CNTN5: variants seen among roughly 807,000 people sequenced by gnomAD.
The protein encoded by CNTN5 is contactin 5.
A neutral mutation model predicts 129.1 loss-of-function variants in CNTN5; 77 were observed. The ratio of observed to expected loss-of-function variants is 0.60; its 90% confidence interval spans 0.50 to 0.72. The LOEUF is 0.72. Among genes scored for constraint, CNTN5 ranks in the 30% least tolerant of loss-of-function variants. The pLI is 0.00. For synonymous variants in CNTN5, 509 were observed against 465.6 expected (o/e 1.09, Z -1.20); for missense variants, 1,478 against 1,328.8 (o/e 1.11, Z -1.75).
intron 8 of CNTN5, 23 bp downstream of exon 8, chr11:99,957,032 A>G (rs549484645): frequency 1.3e-6 from 2 of 1,598,332 alleles, no homozygotes; most frequent in Admixed American, 1.7e-5. Flanking sequence ...GCCCGTTAAA[A>G]TGGTCAGCCA....
intron 4 of CNTN5, among the ~76,000 whole-genome samples, chr11:99,840,867 A>G (rs1426241386): frequency 6.6e-6 from 1 of 152,208 alleles, no homozygotes; most frequent in Non-Finnish European, 1.5e-5. Flanking sequence ...GGATTTAAAC[A>G]GTGGATCATT....
intron 9 of CNTN5, among the ~76,000 whole-genome samples, chr11:100,028,026 G>T (rs1199230443): frequency 6.6e-6 from 1 of 152,012 alleles, no homozygotes; most frequent in Admixed American, 6.6e-5. Flanking sequence ...AAAGTTACCT[G>T]CATTTGGAAT....
At chr11:99,970,713 C>T (rs542962956) in intron 8 of CNTN5, among the ~76,000 whole-genome samples, 1 of 152,228 alleles carries the variant, frequency 6.6e-6, no homozygotes, top group East Asian at 1.9e-4. Flanking sequence ...AACTACTTTT[C>T]TAGATGATTG....
At chr11:99,248,269 A>G (rs1861920224) in intron 1 of CNTN5, among the ~76,000 whole-genome samples, 1 of 152,102 alleles carries the variant, frequency 6.6e-6, no homozygotes, top group Non-Finnish European at 1.5e-5. Flanking sequence ...TCTTTTGAGA[A>G]GTGTCTGTTC....
At chr11:99,129,569 C>A (rs546494331) in intron 1 of CNTN5, among the ~76,000 whole-genome samples, 5 of 152,196 alleles carry the variant, frequency 3.3e-5, no homozygotes, top group African/African-American at 1.2e-4. Context: ...ATTTATTTAA[C>A]CTAGCAAGAC....
intron 3 of CNTN5, among the ~76,000 whole-genome samples, chr11:99,711,758 T>G (rs1954999455): frequency 6.6e-6 from 1 of 152,046 alleles, no homozygotes; most frequent in South Asian, 2.1e-4. Flanking sequence ...TGTGTTAGTT[T>G]GCTGAGAATC....
intron 3 of CNTN5, among the ~76,000 whole-genome samples, chr11:99,671,449 TTG>T (rs1953039622): frequency 6.6e-6 from 1 of 152,128 alleles, no homozygotes; most frequent in South Asian, 2.1e-4. Context: ...GCTGGTGAAT[TTG>T]TGTGCATGTG....
chr11:100,250,120 A>G (rs897387134), intron 16 of CNTN5, among the ~76,000 whole-genome samples: 3 of 152,006 alleles, frequency 2.0e-5, no homozygotes. Flanking sequence ...TCTAATAAGG[A>G]TCATCCTTAT....
chr11:99,098,984 T>C (rs1252631834), intron 1 of CNTN5, among the ~76,000 whole-genome samples: 1 of 152,170 alleles, frequency 6.6e-6, no homozygotes, highest in Non-Finnish European at 1.5e-5. Flanking sequence ...ACTGCAACTC[T>C]AGTGATAAAG....
intron 2 of CNTN5, among the ~76,000 whole-genome samples, chr11:99,529,114 G>T (rs1323095463): frequency 6.6e-6 from 1 of 151,868 alleles, no homozygotes; most frequent in Non-Finnish European, 1.5e-5. Context: ...AAAAAGAAAG[G>T]TCTGTCCCAG....
At chr11:99,690,398 G>T (rs1677955498) in intron 3 of CNTN5, among the ~76,000 whole-genome samples, 1 of 151,952 alleles carries the variant, frequency 6.6e-6, no homozygotes, top group South Asian at 2.1e-4. Flanking sequence ...TGTTGTTCTT[G>T]TTTTGTTTCT....
At chr11:99,577,733 G>A (rs1211591529) in intron 3 of CNTN5, among the ~76,000 whole-genome samples, 2 of 152,006 alleles carry the variant, frequency 1.3e-5, no homozygotes, top group African/African-American at 4.8e-5. Context: ...AGTTTGGACA[G>A]TTCTTTAGTT....
intron 6 of CNTN5, among the ~76,000 whole-genome samples, chr11:99,887,912 A>T (rs1404608667): frequency 1.3e-5 from 2 of 152,178 alleles, no homozygotes; most frequent in Non-Finnish European, 2.9e-5. Context: ...CCACTCACTC[A>T]AATGTTAATC....
Position 100,224,624 on chromosome 11 carries a change from C to T in CNTN5, c.1885-68C>T, listed in dbSNP as rs1273343824. The stretch of plus-strand genomic sequence containing the variant: ...GCCCTTTTACTGAATATGCAAAGTT[C>T]CCCCTTAAGCCACCTTGAACTAGGC... On this transcript the variant is annotated intron_variant, in intron 15 of 24. Transcript: ENST00000524871. The T allele has an allele frequency of 4.0e-6, 6 of 1,505,788 alleles. No homozygotes were observed. In the Admixed American group the frequency reaches 5.5e-5, roughly 14 times the overall value. 93.3% of individuals were successfully genotyped at this position (1,505,788 alleles called of 1,614,324 possible). A position where few individuals can be genotyped will look rare whatever the true frequency, so the allele number is the denominator to read the frequency against.
intron 3 of CNTN5, among the ~76,000 whole-genome samples, chr11:99,731,171 C>T (rs985895235): frequency 9.2e-5 from 14 of 151,652 alleles, no homozygotes; most frequent in African/African-American, 2.7e-4. Flanking sequence ...TGCAGTGGCG[C>T]GATCTCGGCT....
chr11:99,922,028 T>C (rs1322457266), intron 7 of CNTN5, among the ~76,000 whole-genome samples: 1 of 152,208 alleles, frequency 6.6e-6, no homozygotes, highest in Non-Finnish European at 1.5e-5. Context: ...CAGAATATAT[T>C]AGTCCATTTT....
intron 13 of CNTN5, among the ~76,000 whole-genome samples, chr11:100,103,031 G>A (rs1179293257): frequency 2.0e-5 from 3 of 152,118 alleles, no homozygotes; most frequent in South Asian, 4.2e-4. Flanking sequence ...CTAAAATAAC[G>A]CACTTGGACT....
At chr11:99,224,382 A>G (rs1860564680) in intron 1 of CNTN5, among the ~76,000 whole-genome samples, 1 of 152,192 alleles carries the variant, frequency 6.6e-6, no homozygotes, top group Admixed American at 6.6e-5. Context: ...TAGCACAAGT[A>G]AACTTCCAAG....
At chr11:99,715,627 CA>C (rs749985487) in intron 3 of CNTN5, among the ~76,000 whole-genome samples, 1 of 151,778 alleles carries the variant, frequency 6.6e-6, no homozygotes, top group Non-Finnish European at 1.5e-5. Flanking sequence ...GAGTAATAAA[CA>C]AAAAGAAAGA....
Sources: gnomAD v4.1 joint callset for allele counts (sites outside exome capture counted in the v4.1 genomes callset) on GRCh38, gnomAD v4.1.1 for gene constraint, MANE v1.5 for transcripts, NCBI Gene and HGNC (gene_info 2026-07-23, HGNC 2026-07-21) for gene names.